The following FGF3 variants were observed in gnomAD, a reference collection of about 807,000 sequenced individuals.
The protein encoded by FGF3 is FGF-3.
In FGF3, 7 loss-of-function variants were observed where a neutral mutation model predicts 9.8. The ratio of observed to expected loss-of-function variants is 0.72; its 90% CI spans 0.41 to 1.35. The LOEUF (loss-of-function observed/expected upper bound fraction) is 1.35. Among genes scored for constraint, FGF3 ranks in the 40% most tolerant of loss-of-function variants. FGF3 has a pLI of 0.01. For synonymous variants in FGF3, 173 were observed against 157.2 expected, an observed-to-expected ratio of 1.10 and a Z score of -0.75; for missense variants, 390 against 345.6, an observed-to-expected ratio of 1.13 and a Z score of -1.02.
In FGF3 at chr11:69,810,378, C is replaced by T. The variant is rs1554980302; in HGVS notation, c.647G>A (p.Ser216Asn). ...VQPRRRRQKQ[S>N]PDNLEPSHVQ... ...GTGAGAGGGCTCCAGGTTATCCGGG[C>T]TCTGCTTCTGCCGCCGCCGTCGGGG... Residue 216 changes from serine to asparagine, a missense_variant, in exon 3 of 3, where the codon AGC (serine) becomes AAC (asparagine). Coordinates refer to ENST00000334134, the MANE Select transcript of FGF3 (RefSeq NM_005247.4). 1.9e-6 allele frequency: 3 copies of T among 1,562,246 alleles called. No homozygotes were observed. Among genetic ancestry groups the T allele is most frequent in the Admixed American group, 3.7e-5 (2 of 53,606 alleles).
intron 1 of FGF3, among the ~76,000 whole-genome samples, chr11:69,816,950 T>C (rs553540815): frequency 6.6e-6 from 1 of 152,214 alleles, no homozygotes; most frequent in Non-Finnish European, 1.5e-5. Flanking sequence ...ACAGCCAGGG[T>C]GCCTGCCACC....
At chr11:69,811,522 G>T (rs1856031573) in intron 2 of FGF3, among the ~76,000 whole-genome samples, 1 of 151,112 alleles carries the variant, frequency 6.6e-6, no homozygotes, top group Non-Finnish European at 1.5e-5. Context: ...AACACAAAAA[G>T]CAGGAAGGGA....
intron 2 of FGF3, among the ~76,000 whole-genome samples, chr11:69,814,008 C>T (rs1856087195): frequency 6.6e-6 from 1 of 150,860 alleles, no homozygotes; most frequent in Non-Finnish European, 1.5e-5. Flanking sequence ...GACGGATGGA[C>T]ATGTGAATGG....
intron 1 of FGF3, among the ~76,000 whole-genome samples, chr11:69,816,915 G>C (rs1380773470): frequency 6.6e-6 from 1 of 152,178 alleles, no homozygotes; most frequent in African/African-American, 2.4e-5. Flanking sequence ...GAGCCAGGCT[G>C]ATAATATAAA....
rs147515396 is a variant in FGF3, at chr11:69,810,616, C to A, written c.409G>T (p.Val137Leu). Residue 137 changes from valine to leucine, a missense_variant, in exon 3 of 3, where the codon GTG (valine) becomes TTG (leucine). Transcript: ENST00000334134. ...NTYASRLYRT[V>L]SSTPGARRQP... ...CGGCGGGCCCCAGGCGTACTAGACA[C>A]CGTCCGGTACAGCCGGGAGGCATAC... The A allele has an allele frequency of 6.2e-7, 1 of 1,607,206 alleles. No individual in the cohort carries two copies. Among genetic ancestry groups the A allele is most frequent in the African/African-American group, 1.3e-5 (1 of 74,776 alleles).
chr11:69,811,450 C>CA (rs33951596), intron 2 of FGF3, among the ~76,000 whole-genome samples: 7,919 of 97,132 alleles, frequency 0.082, 476 homozygotes, highest in African/African-American at 0.18. Context: ...AACTCTGACT[C>CA]AAAAAAAAAA....
intron 1 of FGF3, among the ~76,000 whole-genome samples, chr11:69,818,059 G>T (rs1856169319): frequency 2.0e-5 from 3 of 152,004 alleles, no homozygotes. Context: ...TGCGGCCAGG[G>T]CGGAGGCGGG....
chr11:69,815,712 G>A (rs1296705220), intron 2 of FGF3, among the ~76,000 whole-genome samples: 2 of 152,156 alleles, frequency 1.3e-5, no homozygotes, highest in African/African-American at 4.8e-5. Flanking sequence ...CCCTTATGAA[G>A]AGGGGCGCTG....
chr11:69,811,277 G>C (rs529451522), intron 2 of FGF3, among the ~76,000 whole-genome samples: 1 of 151,844 alleles, frequency 6.6e-6, no homozygotes, highest in Non-Finnish European at 1.5e-5. Context: ...GCAAAACCCC[G>C]TCTCTACTAA....
At chr11:69,814,916 C>G (rs886349884) in intron 2 of FGF3, among the ~76,000 whole-genome samples, 3 of 152,226 alleles carry the variant, frequency 2.0e-5, no homozygotes, top group African/African-American at 7.2e-5. Flanking sequence ...AATCCTGGCT[C>G]CCCTATGGCA....
Position 69,819,072 on chromosome 11 carries a change from A to T in FGF3, c.-139T>A. ...GATGCTGACTCCGGCTTCGCGGGAA[A>T]GGTGGGGGAAGAAGGGGGAAGGGTG... On this transcript the variant is annotated 5_prime_UTR_variant, in exon 1 of 3. Transcript: ENST00000334134. 5 of 419,182 alleles carry T rather than the reference A, an allele frequency of 1.2e-5. No homozygotes were observed. Among genetic ancestry groups the T allele is most frequent in the Non-Finnish European group, 1.2e-5 (3 of 243,540 alleles). The allele number at this position is 419,182 out of a possible 1,614,324, so 26.0% of individuals were successfully genotyped here. A position where few individuals can be genotyped will look rare whatever the true frequency, so the allele number is the denominator to read the frequency against.
chr11:69,818,839 C>T lies in FGF3; in HGVS notation c.95G>A (p.Arg32His). ...GARLRRDAGGRGGVYEHLGGA... is the reference protein window; with the variant it reads ...GARLRRDAGGHGGVYEHLGGA... ...GCCAAGGTGCTCGTAGACGCCGCCA[C>T]GGCCGCCCGCATCGCGCCGCAACCG... Residue 32 changes from arginine to histidine, a missense_variant, in exon 1 of 3, where the codon CGT (arginine) becomes CAT (histidine). By Grantham distance (29) the Arg-to-His change is conservative. Coordinates refer to ENST00000334134, the MANE Select transcript of FGF3 (RefSeq NM_005247.4). 1 of 1,476,024 alleles carries T rather than the reference C, an allele frequency of 6.8e-7. No individual in the cohort carries two copies. The highest frequency in any genetic ancestry group is 1.3e-5 in the South Asian group (1 of 78,158). The allele number at this position is 1,476,024 out of a possible 1,614,324, so 91.4% of individuals were successfully genotyped here. A position where few individuals can be genotyped will look rare whatever the true frequency, so the allele number is the denominator to read the frequency against.
chr11:69,814,507 G>C (rs1856096456), intron 2 of FGF3, among the ~76,000 whole-genome samples: 1 of 152,056 alleles, frequency 6.6e-6, no homozygotes, highest in Non-Finnish European at 1.5e-5. Context: ...GACCAGGAGT[G>C]TCAGGGTGCA....
At chr11:69,816,679 C>G (rs1309082301) in intron 1 of FGF3, among the ~76,000 whole-genome samples, 1 of 152,216 alleles carries the variant, frequency 6.6e-6, no homozygotes, top group Non-Finnish European at 1.5e-5. Context: ...CACCTGCTGA[C>G]GCTGCCTGCA....
rs950375010 is a variant in FGF3 at position 69,819,292 on chromosome 11, G to T, written c.-359C>A. Among the ~76,000 whole-genome samples, 5 of 151,376 alleles carry T rather than the reference G, an allele frequency of 3.3e-5. No individual in the cohort carries two copies. Among genetic ancestry groups the T allele is most frequent in the Admixed American group, 6.6e-5 (1 of 15,234 alleles). The stretch of plus-strand genomic sequence containing the variant: ...GAGGGGCGGGAGGCCGGCGGGTGGG[G>T]AGCCCCGCGGGGCTCGGGGTTCGGG... On this transcript the variant is annotated 5_prime_UTR_variant, in exon 1 of 3. Transcript: ENST00000334134.
At chr11:69,815,308 G>A (rs1323272361) in intron 2 of FGF3, among the ~76,000 whole-genome samples, 1 of 151,682 alleles carries the variant, frequency 6.6e-6, no homozygotes, top group East Asian at 1.9e-4. Context: ...GTGGATGGAT[G>A]GATGGGTGGA....
intron 2 of FGF3, among the ~76,000 whole-genome samples, chr11:69,815,040 T>A (rs562363011): frequency 1.3e-5 from 2 of 151,398 alleles, no homozygotes; most frequent in Non-Finnish European, 3.0e-5. Context: ...AGTGGGTGGG[T>A]GGATGGATGG....
Position 69,816,402 on chromosome 11 carries a change from A to G in FGF3, c.242T>C (p.Val81Ala). The change falls in exon 2 of 3, where the codon GTG becomes GCG. Residue 81 changes from valine (V) to alanine (A), a missense_variant. By Grantham distance (64) the Val-to-Ala change is moderately conservative. Coordinates refer to ENST00000334134, the MANE Select transcript of FGF3 (RefSeq NM_005247.4). ...SAYSILEITA[V>A]EVGIVAIRGL... The stretch of plus-strand genomic sequence containing the variant: ...CCTGATGGCCACAATGCCCACCTCC[A>G]CTGCCGTTATCTCCAAAATACCTAG... 1 of 1,613,604 alleles carries G rather than the reference A, an allele frequency of 6.2e-7. No homozygotes were observed. The highest frequency in any genetic ancestry group is 8.5e-7 in the Non-Finnish European group (1 of 1,179,708).
Position 69,818,775 on chromosome 11 carries a change from C to T in FGF3, c.159G>A (p.Lys53=). 1 of 1,497,330 alleles carries T rather than the reference C, an allele frequency of 6.7e-7. No homozygotes were observed. The highest frequency in any genetic ancestry group is 8.8e-7 in the Non-Finnish European group (1 of 1,129,974). The allele number at this position is 1,497,330 out of a possible 1,614,324, so 92.8% of individuals were successfully genotyped here. ...PRRRKLYCAT[K]YHLQLHPSGR... ...CGCTCGGGTGCAGCTGGAGGTGGTA[C>T]TTCGTGGCGCAGTAGAGCTTGCGGC... The change falls in exon 1 of 3, where the codon AAG becomes AAA. Residue 53 remains lysine (K), a synonymous_variant. Transcript: ENST00000334134.
Sources: allele counts gnomAD v4.1 joint callset (sites outside exome capture counted in the v4.1 genomes callset), GRCh38; gene constraint gnomAD v4.1.1; transcripts MANE v1.5; gene names NCBI Gene and HGNC (gene_info 2026-07-23, HGNC 2026-07-21).